The following UBE2E2 variants were observed in gnomAD, a reference collection of about 807,000 sequenced individuals.
The protein encoded by UBE2E2 is ubiquitin conjugating enzyme E2 E2.
Under a neutral mutation model 24.7 loss-of-function variants are expected in UBE2E2, and 6 were observed. The ratio of observed to expected loss-of-function variants is 0.24; its 90% CI spans 0.13 to 0.48. The LOEUF (loss-of-function observed/expected upper bound fraction) is 0.48. Among genes scored for constraint, UBE2E2 ranks in the 20% least tolerant of loss-of-function variants. UBE2E2 has a pLI of 0.99. For synonymous variants in UBE2E2, 104 were observed against 83.6 expected (o/e 1.24, Z -1.33); for missense variants, 169 against 245.0 (o/e 0.69, Z 2.07).
At chr3:23,558,393 G>A (rs1575706052) in intron 5 of UBE2E2, among the ~76,000 whole-genome samples, 1 of 152,204 alleles carries the variant, frequency 6.6e-6, no homozygotes, top group African/African-American at 2.4e-5. Flanking sequence ...TAGATGTACA[G>A]ACATATCTTT....
At position 23,428,052 on chromosome 3, in the gene UBE2E2, A is replaced by C. The variant is rs79939956; in HGVS notation, c.228-71556A>C. ...TGAGGACATAGTTGACCTCAACAGA[A>C]TCATCAGTCAGTTGAATATAATTGA... is the stretch of plus-strand genomic sequence containing the variant. On this transcript the variant is annotated intron_variant, in intron 3 of 5. Transcript: ENST00000396703. Among the ~76,000 whole-genome samples the C allele has an allele frequency of 7.7e-3, 1,179 of 152,312 alleles. 5 individuals carry two copies. Among genetic ancestry groups the C allele is most frequent in the Non-Finnish European group, 0.013 (864 of 68,024 alleles).
At chr3:23,484,821 C>T (rs556568068) in intron 3 of UBE2E2, among the ~76,000 whole-genome samples, 3 of 152,172 alleles carry the variant, frequency 2.0e-5, no homozygotes, top group African/African-American at 4.8e-5. Flanking sequence ...CATCAGATCT[C>T]GTGAGGCTTA....
intron 3 of UBE2E2, among the ~76,000 whole-genome samples, chr3:23,268,145 C>G (rs1472165239): frequency 2.7e-5 from 4 of 150,840 alleles, no homozygotes; most frequent in Non-Finnish European, 5.9e-5. Context: ...AGAACTGGCA[C>G]AAGACAGGTT....
chr3:23,222,940 A>T (rs546676865), intron 3 of UBE2E2, among the ~76,000 whole-genome samples: 1 of 151,282 alleles, frequency 6.6e-6, no homozygotes, highest in Non-Finnish European at 1.5e-5. Context: ...CATTGTAGCA[A>T]TGTTGAGCAT....
At chr3:23,379,234 AT>A (rs1443458869) in intron 3 of UBE2E2, among the ~76,000 whole-genome samples, 3 of 122,024 alleles carry the variant, frequency 2.5e-5, no homozygotes, top group Non-Finnish European at 5.3e-5. Context: ...GTATTTATTT[AT>A]TTTTTTATTT....
intron 3 of UBE2E2, among the ~76,000 whole-genome samples, chr3:23,284,846 T>A (rs1698574085): frequency 6.6e-6 from 1 of 151,774 alleles, no homozygotes; most frequent in Non-Finnish European, 1.5e-5. Flanking sequence ...TTGTACTCCC[T>A]GAGGTCTGTT....
intron 4 of UBE2E2, among the ~76,000 whole-genome samples, chr3:23,502,016 A>G (rs1699731877): frequency 6.6e-6 from 1 of 152,182 alleles, no homozygotes; most frequent in Non-Finnish European, 1.5e-5. Flanking sequence ...CTAATATATC[A>G]GTTTTAGAGA....
chr3:23,399,050 T>C (rs1004929296), intron 3 of UBE2E2, among the ~76,000 whole-genome samples: 1 of 152,176 alleles, frequency 6.6e-6, no homozygotes, highest in African/African-American at 2.4e-5. Flanking sequence ...TGAAACACAT[T>C]TCTCATGTCT....
At chr3:23,535,427 A>T (rs1361937213) in intron 5 of UBE2E2, among the ~76,000 whole-genome samples, 1 of 152,126 alleles carries the variant, frequency 6.6e-6, no homozygotes, top group African/African-American at 2.4e-5. Context: ...GGATTTTACA[A>T]TCGAAAAAAG....
At chr3:23,555,508 T>G (rs895093304) in intron 5 of UBE2E2, among the ~76,000 whole-genome samples, 2 of 152,194 alleles carry the variant, frequency 1.3e-5, no homozygotes, top group African/African-American at 2.4e-5. Context: ...TTCCCTCTGC[T>G]GGATATATAC....
At chr3:23,488,269 C>T (rs1385752725) in intron 3 of UBE2E2, among the ~76,000 whole-genome samples, 1 of 149,988 alleles carries the variant, frequency 6.7e-6, no homozygotes, top group Non-Finnish European at 1.5e-5. Flanking sequence ...TTTTTTGTTA[C>T]ATAGGTATAC....
chr3:23,540,982 A>G (rs1427198379), intron 5 of UBE2E2, among the ~76,000 whole-genome samples: 5 of 152,258 alleles, frequency 3.3e-5, no homozygotes, highest in Non-Finnish European at 7.3e-5. Context: ...TTTAAACAAT[A>G]CATATTTGAA....
intron 3 of UBE2E2, among the ~76,000 whole-genome samples, chr3:23,429,958 G>T (rs1226554425): frequency 1.3e-5 from 2 of 152,164 alleles, no homozygotes; most frequent in Non-Finnish European, 2.9e-5. Context: ...TTGGCTCACT[G>T]CAGCCTCTGC....
chr3:23,556,114 C>T (rs1054971744), intron 5 of UBE2E2, among the ~76,000 whole-genome samples: 1 of 146,904 alleles, frequency 6.8e-6, no homozygotes, highest in African/African-American at 2.5e-5. Flanking sequence ...CTTTTAACAA[C>T]GTGTTGTATA....
chr3:23,395,192 C>T (rs956100461), intron 3 of UBE2E2, among the ~76,000 whole-genome samples: 3 of 152,136 alleles, frequency 2.0e-5, no homozygotes, highest in Non-Finnish European at 4.4e-5. Context: ...TTAGAACTAC[C>T]TTTATCCCTC....
At chr3:23,408,018 A>G (rs79220330) in intron 3 of UBE2E2, among the ~76,000 whole-genome samples, 2 of 151,968 alleles carry the variant, frequency 1.3e-5, no homozygotes, top group African/African-American at 2.4e-5. Flanking sequence ...AAAAAATACA[A>G]TGTCACTGAA....
chr3:23,315,264 C>T (rs1227929056), intron 3 of UBE2E2, among the ~76,000 whole-genome samples: 1 of 151,528 alleles, frequency 6.6e-6, no homozygotes, highest in East Asian at 1.9e-4. Flanking sequence ...TACTGCTAGG[C>T]TACCTTTGAT....
chr3:23,309,641 CAT>C (rs1491231641), intron 3 of UBE2E2, among the ~76,000 whole-genome samples: 4 of 152,070 alleles, frequency 2.6e-5, no homozygotes, highest in Admixed American at 2.0e-4. Flanking sequence ...GTCAGAGCAT[CAT>C]GTGCATCTTG....
At chr3:23,360,174 A>G (rs1696071915) in intron 3 of UBE2E2, among the ~76,000 whole-genome samples, 2 of 152,360 alleles carry the variant, frequency 1.3e-5, no homozygotes, top group East Asian at 1.9e-4. Flanking sequence ...TCATTATTAT[A>G]GCAGAGTGAC....
Sources: gnomAD v4.1 joint callset for allele counts (sites outside exome capture counted in the v4.1 genomes callset) on GRCh38, gnomAD v4.1.1 for gene constraint, MANE v1.5 for transcripts, NCBI Gene and HGNC (gene_info 2026-07-23, HGNC 2026-07-21) for gene names.